Variants in HS3ST3A1 observed in about 807,000 individuals in gnomAD.
The protein encoded by HS3ST3A1 is heparan sulfate glucosamine 3-O-sulfotransferase 3A1.
Under a neutral mutation model 25.7 loss-of-function variants are expected in HS3ST3A1, and 19 were observed. The observed-to-expected ratio is 0.74, with a 90% confidence interval of 0.52 to 1.08. HS3ST3A1 has a LOEUF of 1.08. Among genes scored for constraint, HS3ST3A1 ranks in the 50% least tolerant of loss-of-function variants. The pLI is 0.00. For missense variants in HS3ST3A1, 459 were observed against 594.3 expected (o/e 0.77, Z 2.37); for synonymous variants, 226 against 278.6 (o/e 0.81, Z 1.88).
At chr17:13,560,818 T>C (rs1907524875) in intron 1 of HS3ST3A1, among the ~76,000 whole-genome samples, 1 of 152,216 alleles carries the variant, frequency 6.6e-6, no homozygotes, top group Non-Finnish European at 1.5e-5. Context: ...GTTTTCTTCT[T>C]GTAAAAGACA....
At chr17:13,567,407 C>A (rs1567625746) in intron 1 of HS3ST3A1, among the ~76,000 whole-genome samples, 1 of 152,196 alleles carries the variant, frequency 6.6e-6, no homozygotes, top group Non-Finnish European at 1.5e-5. Flanking sequence ...CATTCTGTAG[C>A]CCACAGGACA....
chr17:13,595,825 G>A (rs1434137363), intron 1 of HS3ST3A1, among the ~76,000 whole-genome samples: 1 of 147,390 alleles, frequency 6.8e-6, no homozygotes, highest in South Asian at 2.2e-4. Flanking sequence ...ACTGTGTCCC[G>A]GAGAGATACG....
At chr17:13,583,062 A>G (rs1217106419) in intron 1 of HS3ST3A1, among the ~76,000 whole-genome samples, 2 of 152,230 alleles carry the variant, frequency 1.3e-5, no homozygotes, top group African/African-American at 4.8e-5. Flanking sequence ...GAGGAAATCC[A>G]CTGGAAATCC....
intron 1 of HS3ST3A1, among the ~76,000 whole-genome samples, chr17:13,578,982 A>G (rs918494380): frequency 3.9e-5 from 6 of 152,240 alleles, no homozygotes; most frequent in Non-Finnish European, 5.9e-5. Context: ...TTACTAGATA[A>G]GCTGAACATT....
intron 1 of HS3ST3A1, among the ~76,000 whole-genome samples, chr17:13,515,909 G>A (rs1274064433): frequency 3.3e-5 from 5 of 152,074 alleles, no homozygotes; most frequent in Admixed American, 6.6e-5. Context: ...GATGTTGAAC[G>A]TCTTTTTATG....
intron 1 of HS3ST3A1, among the ~76,000 whole-genome samples, chr17:13,513,178 A>T (rs533632529): frequency 6.6e-6 from 1 of 152,330 alleles, no homozygotes; most frequent in Non-Finnish European, 1.5e-5. Flanking sequence ...GTCCATTCCA[A>T]AAAAGCCTGG....
At position 13,495,983 on chromosome 17, in the gene HS3ST3A1, T is replaced by C. The variant is rs1284653360; in HGVS notation, c.*214A>G. ...TAAAATAAAAACTGAAAATTGAAAGTGTTTAGACGAGTGAAATTTTCCTTT... is the reference window on the plus strand; with the variant it reads ...TAAAATAAAAACTGAAAATTGAAAGCGTTTAGACGAGTGAAATTTTCCTTT... On this transcript the variant is annotated 3_prime_UTR_variant, in exon 2 of 2. Transcript: ENST00000284110. The C allele has an allele frequency of 1.9e-6, 1 of 513,156 alleles. No individual in the cohort carries two copies. The allele number at this position is 513,156 out of a possible 1,614,324, so 31.8% of individuals were successfully genotyped here. A position where few individuals can be genotyped will look rare whatever the true frequency, so the allele number is the denominator to read the frequency against.
At chr17:13,550,874 C>T (rs144656336) in intron 1 of HS3ST3A1, among the ~76,000 whole-genome samples, 1 of 152,208 alleles carries the variant, frequency 6.6e-6, no homozygotes, top group African/African-American at 2.4e-5. Context: ...CGAGACCATC[C>T]TGGCTAGCAG....
Position 13,601,130 on chromosome 17 carries a change from C to T in HS3ST3A1, c.-1G>A, listed in dbSNP as rs768095439. 1.3e-5 allele frequency: 20 copies of T among 1,535,526 alleles called. No individual in the cohort carries two copies. In the East Asian group the frequency reaches 4.8e-4, roughly 37 times the overall value. On this transcript the variant is annotated 5_prime_UTR_variant, in exon 1 of 2. Coordinates refer to ENST00000284110, the MANE Select transcript of HS3ST3A1 (RefSeq NM_006042.3). ...CACTGGCCGGGCCCGGAGGGGCCAT[C>T]CTAGCCGGAGGCGACGTCGGGCAAC... is the stretch of plus-strand genomic sequence containing the variant.
At chr17:13,501,396 T>C (rs879733853) in intron 1 of HS3ST3A1, among the ~76,000 whole-genome samples, 25 of 152,256 alleles carry the variant, frequency 1.6e-4, no homozygotes, top group Admixed American at 1.6e-3. Context: ...AAAAAAGAAC[T>C]TAAGGGAGGA....
intron 1 of HS3ST3A1, among the ~76,000 whole-genome samples, chr17:13,536,317 T>A (rs995429054): frequency 1.3e-5 from 2 of 152,280 alleles, no homozygotes. Flanking sequence ...AAAATTAAGT[T>A]GTTTTAGAAG....
At chr17:13,547,859 C>A (rs1234704309) in intron 1 of HS3ST3A1, among the ~76,000 whole-genome samples, 1 of 149,302 alleles carries the variant, frequency 6.7e-6, no homozygotes, top group African/African-American at 2.5e-5. Context: ...AGGATGCTAA[C>A]TCCAGGTAGA....
chr17:13,585,363 C>T (rs868179917), intron 1 of HS3ST3A1, among the ~76,000 whole-genome samples: 11 of 151,460 alleles, frequency 7.3e-5, no homozygotes, highest in African/African-American at 2.4e-4. Context: ...CCACGCCCGG[C>T]TAATTTTTGT....
In HS3ST3A1 at chr17:13,601,213, C is replaced by T. The variant is rs1211202416; in HGVS notation, c.-84G>A. On this transcript the variant is annotated 5_prime_UTR_variant, in exon 1 of 2. Transcript: ENST00000284110. Reference sequence around the variant, plus strand: ...GTGCCAGAGCATCCCCCCGGCGGGCCAGCGCGCTGGACGGAGGCCACATCG... The same window carrying T: ...GTGCCAGAGCATCCCCCCGGCGGGCTAGCGCGCTGGACGGAGGCCACATCG... 10 of 1,095,976 alleles carry T rather than the reference C, an allele frequency of 9.1e-6. No homozygotes were observed. The highest frequency in any genetic ancestry group is 1.7e-5 in the African/African-American group (1 of 59,626). The allele number at this position is 1,095,976 out of a possible 1,614,324, so 67.9% of individuals were successfully genotyped here.
chr17:13,517,501 G>A (rs1278674589), intron 1 of HS3ST3A1, among the ~76,000 whole-genome samples: 2 of 152,138 alleles, frequency 1.3e-5, no homozygotes, highest in African/African-American at 4.8e-5. Context: ...CACAAATACA[G>A]AAGTGCTTGA....
At chr17:13,551,556 C>T (rs1907245454) in intron 1 of HS3ST3A1, among the ~76,000 whole-genome samples, 1 of 146,662 alleles carries the variant, frequency 6.8e-6, no homozygotes, top group African/African-American at 2.6e-5. Context: ...ACTGCCCAGC[C>T]AGAGTTCTTC....
intron 1 of HS3ST3A1, among the ~76,000 whole-genome samples, chr17:13,573,669 G>A (rs1482937377): frequency 6.6e-6 from 1 of 152,178 alleles, no homozygotes; most frequent in Non-Finnish European, 1.5e-5. Flanking sequence ...ATGTGACTGA[G>A]CTCAATGTTG....
At chr17:13,542,284 G>C (rs1906957136) in intron 1 of HS3ST3A1, among the ~76,000 whole-genome samples, 1 of 149,036 alleles carries the variant, frequency 6.7e-6, no homozygotes, top group African/African-American at 2.5e-5. Context: ...AGCAGAGATT[G>C]CGCCACTGCC....
chr17:13,533,790 T>A (rs1168114108), intron 1 of HS3ST3A1, among the ~76,000 whole-genome samples: 1 of 152,176 alleles, frequency 6.6e-6, no homozygotes, highest in Non-Finnish European at 1.5e-5. Flanking sequence ...ATAAAGTTCT[T>A]TTCTTGCTTG....
Sources: gnomAD v4.1 joint callset for allele counts (sites outside exome capture counted in the v4.1 genomes callset) on GRCh38, gnomAD v4.1.1 for gene constraint, MANE v1.5 for transcripts, NCBI Gene and HGNC (gene_info 2026-07-23, HGNC 2026-07-21) for gene names.